SMAD6: variants seen among roughly 807,000 people sequenced by gnomAD.
The protein encoded by SMAD6 is MAD homolog 6.
Under a neutral mutation model 39.4 loss-of-function variants are expected in SMAD6, and 103 were observed. That is an observed-to-expected ratio of 2.62 (90% CI 2.23 to 3.08). The LOEUF is 3.08. SMAD6 is among the 30% of genes most tolerant of loss of function. The probability of loss-of-function intolerance (pLI) is 0.00; values close to 1 mark genes in which losing one functional copy is unlikely to be tolerated. For missense variants in SMAD6, 1,104 were observed against 742.9 expected (o/e 1.49, Z -5.65); for synonymous variants, 445 against 353.3 (o/e 1.26, Z -2.91).
At chr15:66,771,018 A>G (rs1448954992) in intron 3 of SMAD6, among the ~76,000 whole-genome samples, 1 of 152,178 alleles carries the variant, frequency 6.6e-6, no homozygotes, top group Non-Finnish European at 1.5e-5. Context: ...AGCTTGTACC[A>G]CAGAGCCCCG....
intron 3 of SMAD6, among the ~76,000 whole-genome samples, chr15:66,730,513 CT>C (rs1322704409): frequency 6.6e-6 from 1 of 152,188 alleles, no homozygotes; most frequent in Non-Finnish European, 1.5e-5. Flanking sequence ...GGACCTTGGT[CT>C]GCATTTGTGT....
rs1478455479 is a variant in SMAD6 at position 66,703,806 on chromosome 15, T to G, written c.548T>G (p.Leu183Arg). 1 of 1,434,492 alleles carries G rather than the reference T, an allele frequency of 7.0e-7. No individual in the cohort carries two copies. The highest frequency in any genetic ancestry group is 9.2e-7 in the Non-Finnish European group (1 of 1,083,228). 88.9% of individuals were successfully genotyped at this position (1,434,492 alleles called of 1,614,324 possible). A position where few individuals can be genotyped will look rare whatever the true frequency, so the allele number is the denominator to read the frequency against. Residue 183 changes from leucine (L) to arginine (R), a missense_variant, in exon 1 of 4, where the codon CTC (leucine) becomes CGC (arginine). Leu to Arg is a moderately radical substitution (Grantham distance 102). Transcript: ENST00000288840. The stretch of plus-strand genomic sequence containing the variant: ...GTCACGTACTCGCTGCTGAAGCGGC[T>G]CAAGGAGCGCTCGCTGGACACGCTG... Reference protein sequence around the residue: ...KTVTYSLLKRLKERSLDTLLE... With the variant: ...KTVTYSLLKRRKERSLDTLLE...
intron 3 of SMAD6, among the ~76,000 whole-genome samples, chr15:66,774,244 G>T (rs1004936758): frequency 1.1e-4 from 17 of 152,194 alleles, no homozygotes; most frequent in Non-Finnish European, 2.4e-4. Flanking sequence ...ACACAGGAAC[G>T]TTCCTGCCCT....
intron 3 of SMAD6, among the ~76,000 whole-genome samples, chr15:66,779,595 C>T (rs914463568): frequency 6.6e-6 from 1 of 152,238 alleles, no homozygotes; most frequent in Admixed American, 6.5e-5. Context: ...CCACCCTGTT[C>T]TTCTGGGGCT....
chr15:66,733,853 TTGGGCACTGA>T, intron 3 of SMAD6, among the ~76,000 whole-genome samples: 1 of 152,350 alleles, frequency 6.6e-6, no homozygotes, highest in African/African-American at 2.4e-5. Flanking sequence ...CCCATCCCGC[TTGGGCACTGA>T]TGTTCACATA....
chr15:66,749,209 T>C (rs566692153), intron 3 of SMAD6, among the ~76,000 whole-genome samples: 1 of 152,244 alleles, frequency 6.6e-6, no homozygotes, highest in South Asian at 2.1e-4. Context: ...CCTGTAATCC[T>C]AGCACTTTTG....
chr15:66,764,141 A>G (rs1157612595), intron 3 of SMAD6, among the ~76,000 whole-genome samples: 1 of 152,256 alleles, frequency 6.6e-6, no homozygotes, highest in East Asian at 1.9e-4. Context: ...CTGTGATACT[A>G]ACTGGATAAT....
chr15:66,704,184 G>C, intron 1 of SMAD6, 109 bp downstream of exon 1: 1 of 930,702 alleles, frequency 1.1e-6, no homozygotes, highest in Non-Finnish European at 1.4e-6. Flanking sequence ...TGCTCCCCCG[G>C]GTGCCCTTGG....
Position 66,781,163 on chromosome 15 carries a change from G to GGAGCA in SMAD6, c.1121_1125dup (p.Arg376SerfsTer165). 1 of 1,608,106 alleles carries GGAGCA rather than the reference G, an allele frequency of 6.2e-7. No homozygotes were observed. The highest frequency in any genetic ancestry group is 8.5e-7 in the Non-Finnish European group (1 of 1,179,764). On this transcript the variant is annotated frameshift_variant, in exon 4 of 4. Transcript: ENST00000288840. LOFTEE classifies it high-confidence loss of function. ...GCTTCTGCCTGGGCCAGCTCAACCT[G>GGAGCA]GAGCAGCGCAGCGAGTCGGTGCGGC...
intron 3 of SMAD6, among the ~76,000 whole-genome samples, chr15:66,757,787 C>T (rs1343719925): frequency 1.3e-5 from 2 of 152,212 alleles, no homozygotes; most frequent in African/African-American, 4.8e-5. Flanking sequence ...GAATGTCCAC[C>T]GAGCCGCGAA....
rs149913873 is a variant in SMAD6 at position 66,754,424 on chromosome 15, A to G, written c.953-26573A>G. ...CCACCTTCCACTTGCACGTGGACAT[A>G]CACTGTTCACCCAGGTCCCTTGTGT... On this transcript the variant is annotated intron_variant, in intron 3 of 3. Transcript: ENST00000288840. Among the ~76,000 whole-genome samples the G allele has an allele frequency of 8.6e-3, 1,317 of 152,298 alleles. 10 individuals are homozygous for G. Among genetic ancestry groups the G allele is most frequent in the Non-Finnish European group, 0.011 (769 of 68,024 alleles).
intron 1 of SMAD6, chr15:66,705,393 C>T (rs564606941): frequency 3.9e-5 from 6 of 152,282 alleles, no homozygotes; most frequent in African/African-American, 1.4e-4. Flanking sequence ...ACTCCAGTCC[C>T]AATTTAGGAG....
intron 3 of SMAD6, among the ~76,000 whole-genome samples, chr15:66,735,702 C>T (rs976266658): frequency 1.3e-5 from 2 of 152,146 alleles, no homozygotes; most frequent in African/African-American, 4.8e-5. Context: ...GGGAACTGCT[C>T]CTCTGAATGG....
chr15:66,716,807 A>G (rs1233668525), intron 3 of SMAD6, among the ~76,000 whole-genome samples: 1 of 152,240 alleles, frequency 6.6e-6, no homozygotes, highest in African/African-American at 2.4e-5. Flanking sequence ...GTGTTTAGAA[A>G]GAGATCCTCT....
At chr15:66,764,066 G>A (rs1894249931) in intron 3 of SMAD6, among the ~76,000 whole-genome samples, 1 of 152,256 alleles carries the variant, frequency 6.6e-6, no homozygotes, top group Admixed American at 6.5e-5. Flanking sequence ...GGCTGAGTGA[G>A]TGGTGGGTGA....
rs1555434799 is a variant in SMAD6, at chr15:66,711,675, G to A, written c.825G>A (p.Pro275=). 3.7e-6 allele frequency: 6 copies of A among 1,613,732 alleles called. No individual in the cohort carries two copies. Among genetic ancestry groups the A allele is most frequent in the Non-Finnish European group, 5.1e-6 (6 of 1,179,676 alleles). Residue 275 remains proline, a synonymous_variant, in exon 2 of 4, where the codon CCG becomes CCA. Coordinates refer to ENST00000288840, the MANE Select transcript of SMAD6 (RefSeq NM_005585.5). ...CTGTCTCCTGTCTTCCAGAATCTCCGCCACCTCCCTACTCTCGGCTGTCTC... is the reference window on the plus strand; with the variant it reads ...CTGTCTCCTGTCTTCCAGAATCTCCACCACCTCCCTACTCTCGGCTGTCTC... ...HFSRLCGPES[P]PPPYSRLSPR...
intron 3 of SMAD6, among the ~76,000 whole-genome samples, chr15:66,744,964 G>C (rs1343109726): frequency 6.6e-6 from 1 of 152,180 alleles, no homozygotes; most frequent in African/African-American, 2.4e-5. Context: ...CTGGGTGCCT[G>C]TGGTCAAGAT....
intron 3 of SMAD6, among the ~76,000 whole-genome samples, chr15:66,777,177 C>T (rs1400586601): frequency 6.6e-6 from 1 of 152,126 alleles, no homozygotes; most frequent in Non-Finnish European, 1.5e-5. Context: ...GCTCTGACGC[C>T]CTGGGACTGA....
Position 66,768,830 on chromosome 15 carries a change from C to T in SMAD6, c.953-12167C>T, listed in dbSNP as rs550407137. On this transcript the variant is annotated intron_variant, in intron 3 of 3. Transcript: ENST00000288840. Reference sequence around the variant, plus strand: ...GTTTTCATATTCAGCTCTGCATTGCCGAGAGCACCTCTGTTAGGCGACATA... The same window carrying T: ...GTTTTCATATTCAGCTCTGCATTGCTGAGAGCACCTCTGTTAGGCGACATA... 7.6e-4 allele frequency among the ~76,000 whole-genome samples: 116 copies of T among 152,274 alleles called. 1 individual carries two copies. The highest frequency in any genetic ancestry group is 2.7e-3 in the African/African-American group (111 of 41,552).
Sources: gnomAD v4.1 joint callset for allele counts (sites outside exome capture counted in the v4.1 genomes callset) on GRCh38, gnomAD v4.1.1 for gene constraint, MANE v1.5 for transcripts, NCBI Gene and HGNC (gene_info 2026-07-23, HGNC 2026-07-21) for gene names.